The following EYS variants were observed in gnomAD, a reference collection of about 807,000 sequenced individuals.
EYS encodes the protein EGF-like photoreceptor maintenance factor.
Under a neutral mutation model 282.1 loss-of-function variants are expected in EYS, and 250 were observed. The ratio of observed to expected loss-of-function variants is 0.89; its 90% CI spans 0.80 to 0.98. The LOEUF is 0.98. EYS is among the 50% of genes least tolerant of loss of function. EYS has a pLI of 0.00. For synonymous variants in EYS, 1,355 were observed against 1,282.9 expected (o/e 1.06, Z -1.20); for missense variants, 4,016 against 3,709.0 (o/e 1.08, Z -2.15).
intron 37 of EYS, among the ~76,000 whole-genome samples, chr6:63,802,873 T>C (rs12111145): frequency 0.039 from 5,891 of 152,300 alleles, 396 homozygotes; most frequent in African/African-American, 0.13. Context: ...CTTCACAGTT[T>C]ATCAATCTGT....
intron 9 of EYS, among the ~76,000 whole-genome samples, chr6:65,345,231 A>G (rs1770349767): frequency 6.6e-6 from 1 of 151,846 alleles, no homozygotes; most frequent in Non-Finnish European, 1.5e-5. Context: ...ATTTAAGATT[A>G]CAGAAAATTA....
At chr6:65,372,742 G>A (rs1351177338) in intron 8 of EYS, among the ~76,000 whole-genome samples, 2 of 151,934 alleles carry the variant, frequency 1.3e-5, no homozygotes, top group Non-Finnish European at 2.9e-5. Context: ...ATTTCAATAA[G>A]GAAGTTCGCC....
chr6:64,448,800 C>T (rs1562000741), intron 26 of EYS, among the ~76,000 whole-genome samples: 1 of 152,204 alleles, frequency 6.6e-6, no homozygotes, highest in Non-Finnish European at 1.5e-5. Context: ...AGGGTCCTCA[C>T]TGTTAGAAGG....
intron 2 of EYS, among the ~76,000 whole-genome samples, chr6:65,563,845 T>C (rs1338718095): frequency 1.3e-5 from 2 of 151,952 alleles, no homozygotes; most frequent in East Asian, 3.9e-4. Flanking sequence ...TGAGCAAACA[T>C]GTGGCAGATG....
intron 8 of EYS, among the ~76,000 whole-genome samples, chr6:65,365,454 G>C (rs1454908052): frequency 1.3e-5 from 2 of 151,586 alleles, no homozygotes; most frequent in Non-Finnish European, 2.9e-5. Flanking sequence ...CGTATGTGTG[G>C]TCAGTCCCTC....
chr6:64,358,647 A>G (rs1380024611), intron 29 of EYS, among the ~76,000 whole-genome samples: 1 of 151,622 alleles, frequency 6.6e-6, no homozygotes, highest in Non-Finnish European at 1.5e-5. Flanking sequence ...TATTCCAAAA[A>G]CCAAGTCACA....
chr6:65,518,318 C>A lies in EYS; in HGVS notation c.-332-22325G>T, dbSNP rs1049080184. On this transcript the variant is annotated intron_variant, in intron 2 of 42. Coordinates refer to ENST00000503581, the MANE Select transcript of EYS (RefSeq NM_001142800.2). The stretch of plus-strand genomic sequence containing the variant: ...CATATCTTATAAAAATTATGGTTTT[C>A]ACCTCCAACTTTCCACCTTCATCTC... Among the ~76,000 whole-genome samples, 3 of 152,032 alleles carry A rather than the reference C, an allele frequency of 2.0e-5. No individual in the cohort carries two copies. The South Asian group carries it at 6.2e-4, about 31-fold the overall frequency.
chr6:64,358,667 GC>G (rs1771910937), intron 29 of EYS, among the ~76,000 whole-genome samples: 1 of 151,618 alleles, frequency 6.6e-6, no homozygotes, highest in Non-Finnish European at 1.5e-5. Context: ...ACGGTTTATG[GC>G]GTATGGCAAA....
intron 6 of EYS, among the ~76,000 whole-genome samples, chr6:65,404,674 G>A (rs918973684): frequency 1.3e-5 from 2 of 151,582 alleles, no homozygotes; most frequent in Non-Finnish European, 2.9e-5. Context: ...CAAAAGTTCA[G>A]CAATTTTTTT....
chr6:65,653,551 G>A (rs1767724667), intron 1 of EYS, among the ~76,000 whole-genome samples: 1 of 151,636 alleles, frequency 6.6e-6, no homozygotes, highest in African/African-American at 2.4e-5. Context: ...TCATATCATT[G>A]CCGTATTCAC....
chr6:65,021,402 G>T (rs1772249560), intron 13 of EYS, among the ~76,000 whole-genome samples: 1 of 152,138 alleles, frequency 6.6e-6, no homozygotes, highest in South Asian at 2.1e-4. Context: ...TTCCCAACAA[G>T]TTCCTCATCT....
intron 1 of EYS, among the ~76,000 whole-genome samples, chr6:65,671,094 T>C (rs1768377214): frequency 2.0e-5 from 3 of 152,140 alleles, no homozygotes; most frequent in Admixed American, 1.3e-4. Context: ...CCATGTTATA[T>C]GTTAATTTTA....
chr6:64,165,694 G>A (rs545355973), intron 31 of EYS, among the ~76,000 whole-genome samples: 13 of 152,236 alleles, frequency 8.5e-5, no homozygotes, highest in East Asian at 1.9e-4. Context: ...TTAACAGGTC[G>A]TTTAATGCTT....
chr6:65,279,052 G>A (rs899910490), intron 12 of EYS, among the ~76,000 whole-genome samples: 1 of 152,084 alleles, frequency 6.6e-6, no homozygotes, highest in African/African-American at 2.4e-5. Context: ...TTAGTTGGAT[G>A]TGGTGGCATC....
chr6:65,084,573 A>G (rs1028575842), intron 12 of EYS, among the ~76,000 whole-genome samples: 1 of 152,132 alleles, frequency 6.6e-6, no homozygotes, highest in Admixed American at 6.6e-5. Context: ...ACTGTCGTGT[A>G]TCCTATGGTA....
intron 22 of EYS, among the ~76,000 whole-genome samples, chr6:64,677,495 T>C (rs1181667765): frequency 4.6e-5 from 7 of 152,318 alleles, no homozygotes; most frequent in African/African-American, 1.7e-4. Flanking sequence ...GAGCTTTTCA[T>C]AAAATATTAC....
chr6:63,729,433 AG>A (rs1193745101), intron 41 of EYS, among the ~76,000 whole-genome samples: 1 of 151,808 alleles, frequency 6.6e-6, no homozygotes, highest in Non-Finnish European at 1.5e-5. Context: ...ATTTTCTTCT[AG>A]GAGTTTTATA....
At chr6:63,972,052 C>A (rs1471884450) in intron 35 of EYS, among the ~76,000 whole-genome samples, 2 of 152,110 alleles carry the variant, frequency 1.3e-5, no homozygotes, top group South Asian at 4.1e-4. Flanking sequence ...TATAGAATTT[C>A]TTCACTCTAT....
At chr6:64,039,546 A>T (rs1287310623) in intron 33 of EYS, among the ~76,000 whole-genome samples, 1 of 152,224 alleles carries the variant, frequency 6.6e-6, no homozygotes, top group Non-Finnish European at 1.5e-5. Flanking sequence ...ATCCCTGGCA[A>T]GACATTCTGG....
Sources: gnomAD v4.1 joint callset for allele counts (sites outside exome capture counted in the v4.1 genomes callset) on GRCh38, gnomAD v4.1.1 for gene constraint, MANE v1.5 for transcripts, NCBI Gene and HGNC (gene_info 2026-07-23, HGNC 2026-07-21) for gene names.